Variants in MAGI2 observed in about 807,000 individuals in gnomAD.
MAGI2 encodes the protein membrane-associated guanylate kinase, WW and PDZ domain-containing protein 2.
MAGI2 carries 35 observed loss-of-function variants against 133.3 expected under a neutral mutation model. That is an observed-to-expected ratio of 0.26 (90% CI 0.20 to 0.35). The LOEUF is 0.35. Ranked by LOEUF, MAGI2 falls within the 10% of genes least tolerant of loss-of-function variation. The probability of loss-of-function intolerance (pLI) is 1.00; values close to 1 mark genes in which losing one functional copy is unlikely to be tolerated. For synonymous variants in MAGI2, 729 were observed against 710.6 expected (o/e 1.03, Z -0.41); for missense variants, 1,636 against 1,863.4 (o/e 0.88, Z 2.25).
intron 1 of MAGI2, among the ~76,000 whole-genome samples, chr7:79,145,312 T>C (rs13241032): frequency 2.6e-5 from 4 of 152,198 alleles, no homozygotes; most frequent in Non-Finnish European, 5.9e-5. Flanking sequence ...ACATATTTCA[T>C]AGCCTATTCA....
intron 2 of MAGI2, among the ~76,000 whole-genome samples, chr7:78,802,604 A>T (rs976894888): frequency 6.6e-6 from 1 of 152,196 alleles, no homozygotes; most frequent in African/African-American, 2.4e-5. Context: ...ACTACTCAGT[A>T]TAGTACTACT....
chr7:78,130,130 C>G (rs917193876), intron 18 of MAGI2, among the ~76,000 whole-genome samples: 8 of 152,036 alleles, frequency 5.3e-5, no homozygotes, highest in African/African-American at 1.7e-4. Flanking sequence ...CATAACAGCT[C>G]TTCTGTTGTT....
intron 1 of MAGI2, among the ~76,000 whole-genome samples, chr7:79,195,732 T>C (rs1037759368): frequency 1.3e-5 from 2 of 151,882 alleles, no homozygotes; most frequent in Admixed American, 6.6e-5. Flanking sequence ...TCTACAATAG[T>C]CATATTAAAG....
At chr7:79,214,831 TA>T (rs1239403216) in intron 1 of MAGI2, among the ~76,000 whole-genome samples, 2 of 144,026 alleles carry the variant, frequency 1.4e-5, no homozygotes, top group Admixed American at 7.0e-5. Flanking sequence ...TTATAAATTA[TA>T]AAATTATAAA....
chr7:78,195,369 A>T (rs1828626044), intron 11 of MAGI2, among the ~76,000 whole-genome samples: 1 of 152,178 alleles, frequency 6.6e-6, no homozygotes, highest in African/African-American at 2.4e-5. Flanking sequence ...CCCCTATAAG[A>T]TAAAGATAAT....
intron 2 of MAGI2, among the ~76,000 whole-genome samples, chr7:78,796,285 T>C (rs180870676): frequency 1.5e-3 from 235 of 151,972 alleles, no homozygotes; most frequent in Non-Finnish European, 2.5e-3. Flanking sequence ...AACAACTCAG[T>C]AGTAAAAAAG....
At chr7:79,101,126 T>A (rs571500327) in intron 1 of MAGI2, among the ~76,000 whole-genome samples, 1 of 152,126 alleles carries the variant, frequency 6.6e-6, no homozygotes, top group African/African-American at 2.4e-5. Flanking sequence ...ACAAAAACAT[T>A]ATACTTATTT....
chr7:78,451,427 T>A (rs1347876037), intron 6 of MAGI2, among the ~76,000 whole-genome samples: 3 of 151,854 alleles, frequency 2.0e-5, no homozygotes, highest in African/African-American at 7.3e-5. Context: ...TCCAAAGGGG[T>A]TTATAGTTCT....
At chr7:78,879,011 C>T (rs1795642720) in intron 2 of MAGI2, among the ~76,000 whole-genome samples, 1 of 152,180 alleles carries the variant, frequency 6.6e-6, no homozygotes, top group Admixed American at 6.5e-5. Flanking sequence ...ATGCTTCATG[C>T]CTAGGCAGAT....
chr7:78,666,376 G>A (rs1175867496), intron 2 of MAGI2, among the ~76,000 whole-genome samples: 1 of 152,152 alleles, frequency 6.6e-6, no homozygotes. Context: ...AGTTACAAAT[G>A]TGCCTGAGTT....
chr7:78,951,451 C>T (rs551666808), intron 2 of MAGI2, among the ~76,000 whole-genome samples: 3 of 152,190 alleles, frequency 2.0e-5, no homozygotes, highest in Non-Finnish European at 4.4e-5. Flanking sequence ...TCCTTCTTCA[C>T]GAGGTGGCAG....
intron 1 of MAGI2, among the ~76,000 whole-genome samples, chr7:79,076,631 T>C (rs1224035529): frequency 2.6e-5 from 4 of 152,204 alleles, no homozygotes; most frequent in Admixed American, 2.6e-4. Flanking sequence ...CGTTTTCCTG[T>C]ATGAGAGGAA....
intron 21 of MAGI2, among the ~76,000 whole-genome samples, chr7:78,064,328 T>TTGTGTGTGTGTGTGTGTG (rs3840609): frequency 2.8e-4 from 42 of 148,604 alleles, no homozygotes; most frequent in Middle Eastern, 3.5e-3. Flanking sequence ...TGTGATGGTT[T>TTGTGTGTGTGTGTGTGTG]TGTGTGTGTG....
intron 2 of MAGI2, among the ~76,000 whole-genome samples, chr7:78,687,983 A>AG (rs2151113327): frequency 9.6e-6 from 1 of 103,984 alleles, no homozygotes; most frequent in South Asian, 2.6e-4. Flanking sequence ...AAAAAAAAAA[A>AG]AAAAAAAAAA....
intron 1 of MAGI2, among the ~76,000 whole-genome samples, chr7:79,077,565 A>T (rs770359908): frequency 3.5e-5 from 4 of 114,486 alleles, no homozygotes; most frequent in Non-Finnish European, 3.5e-5. Flanking sequence ...ACAGAGCGAG[A>T]CTGCCTCTCA....
chr7:78,747,192 T>A lies in MAGI2; in HGVS notation c.419-119953A>T, dbSNP rs922358931. Among the ~76,000 whole-genome samples, 11 of 152,310 alleles carry A rather than the reference T, an allele frequency of 7.2e-5. 2 individuals carry two copies. Among genetic ancestry groups the A allele is most frequent in the Admixed American group, 5.9e-4 (9 of 15,292 alleles). ...AGGTGGTAGCAATGCAAATAAGCTA[T>A]CTTTATAATACTGACCTGGTACTAT... On this transcript the variant is annotated intron_variant, in intron 2 of 21. Transcript: ENST00000354212.
intron 1 of MAGI2, among the ~76,000 whole-genome samples, chr7:79,061,498 C>T (rs768636133): frequency 3.0e-4 from 45 of 151,738 alleles, no homozygotes; most frequent in Non-Finnish European, 1.3e-4. Flanking sequence ...CAACAAATAT[C>T]AGAAGGTTGT....
intron 10 of MAGI2, among the ~76,000 whole-genome samples, chr7:78,231,810 G>A (rs145211629): frequency 1.6e-3 from 237 of 152,300 alleles, no homozygotes; most frequent in African/African-American, 5.5e-3. Context: ...GGATGTGTTG[G>A]GAACTTAGGG....
At chr7:78,304,447 T>C (rs1798090779) in intron 9 of MAGI2, among the ~76,000 whole-genome samples, 1 of 152,194 alleles carries the variant, frequency 6.6e-6, no homozygotes, top group African/African-American at 2.4e-5. Flanking sequence ...GTTACCTGTT[T>C]AGAAAGACCT....
Sources: allele counts gnomAD v4.1 joint callset (sites outside exome capture counted in the v4.1 genomes callset), GRCh38; gene constraint gnomAD v4.1.1; transcripts MANE v1.5; gene names NCBI Gene and HGNC (gene_info 2026-07-23, HGNC 2026-07-21).